EIF2B1: variants seen among roughly 807,000 people sequenced by gnomAD.
The protein encoded by EIF2B1 is translation initiation factor eIF2B subunit alpha.
Under a neutral mutation model 36.8 loss-of-function variants are expected in EIF2B1, and 30 were observed. The ratio of observed to expected loss-of-function variants is 0.81; its 90% CI spans 0.61 to 1.10. The LOEUF is 1.10. Among genes scored for constraint, EIF2B1 ranks in the 50% least tolerant of loss-of-function variants. The pLI is 0.00. For missense variants in EIF2B1, 271 were observed against 374.8 expected (o/e 0.72, Z 2.29); for synonymous variants, 139 against 142.2 (o/e 0.98, Z 0.16).
chr12:123,627,253 C>A, intron 4 of EIF2B1, 97 bp from the exon 5 acceptor site: 1 of 914,194 alleles, frequency 1.1e-6, no homozygotes, highest in South Asian at 1.3e-5. Context: ...CTAAGCATCT[C>A]TGTACACTTT....
At chr12:123,623,847 G>A (rs1417589478) in intron 7 of EIF2B1, among the ~76,000 whole-genome samples, 4 of 152,058 alleles carry the variant, frequency 2.6e-5, no homozygotes, top group Admixed American at 2.6e-4. Context: ...GAGAGAGATT[G>A]TAATAAATTG....
rs1955099217 is a variant in EIF2B1 at position 123,621,606 on chromosome 12, A to C, written c.*150T>G. On this transcript the variant is annotated 3_prime_UTR_variant, in exon 9 of 9. Coordinates refer to ENST00000424014, the MANE Select transcript of EIF2B1 (RefSeq NM_001414.4). ...TAGATGGGACTGAAATGAGTAAGAA[A>C]GGTTCTCCAAGATGTATGATTTTAA... 1 of 937,148 alleles carries C rather than the reference A, an allele frequency of 1.1e-6. No individual in the cohort carries two copies. Among genetic ancestry groups the C allele is most frequent in the African/African-American group, 1.6e-5 (1 of 61,440 alleles). The allele number at this position is 937,148 out of a possible 1,614,324, so 58.1% of individuals were successfully genotyped here. A position where few individuals can be genotyped will look rare whatever the true frequency, so the allele number is the denominator to read the frequency against.
chr12:123,624,514 C>T (rs1053535074), intron 7 of EIF2B1, among the ~76,000 whole-genome samples: 1 of 152,082 alleles, frequency 6.6e-6, no homozygotes, highest in Non-Finnish European at 1.5e-5. Flanking sequence ...CCCACCCTGG[C>T]CTCTCAAATT....
intron 4 of EIF2B1, 27 bp from the exon 5 acceptor site, chr12:123,627,183 G>C (rs773328292): frequency 4.3e-5 from 69 of 1,590,158 alleles, no homozygotes; most frequent in Non-Finnish European, 5.6e-5. Flanking sequence ...CTTTGTCAAA[G>C]GGGCAGGCTC....
intron 8 of EIF2B1, 111 bp downstream of exon 8, chr12:123,622,525 G>A (rs936853135): frequency 1.4e-6 from 2 of 1,432,234 alleles, no homozygotes; most frequent in African/African-American, 2.8e-5. Context: ...TCCAAGTGTT[G>A]GGGAAAGTAG....
chr12:123,626,161 C>A, intron 6 of EIF2B1: 2 of 468,414 alleles, frequency 4.3e-6, no homozygotes, highest in Non-Finnish European at 7.8e-6. Context: ...CAAACAAAAA[C>A]AACAACAACA....
intron 4 of EIF2B1, among the ~76,000 whole-genome samples, chr12:123,629,532 G>A (rs982231328): frequency 4.6e-5 from 7 of 152,148 alleles, no homozygotes; most frequent in African/African-American, 1.7e-4. Flanking sequence ...GGTGGCTCAC[G>A]CCTGTAATCC....
rs749768878 is a variant in EIF2B1 at position 123,633,586 on chromosome 12, G to C, written c.-29C>G. 1.9e-6 allele frequency: 3 copies of C among 1,607,140 alleles called. No individual in the cohort carries two copies. Among genetic ancestry groups the C allele is most frequent in the Non-Finnish European group, 2.5e-6 (3 of 1,179,956 alleles). On this transcript the variant is annotated 5_prime_UTR_variant, in exon 1 of 9. Transcript: ENST00000424014. ...GTCCTCCTGCTGCGGAGCCCCAGGGGACCCGAGCCGCCCGCGCTGTCTCGA... is the reference window on the plus strand; with the variant it reads ...GTCCTCCTGCTGCGGAGCCCCAGGGCACCCGAGCCGCCCGCGCTGTCTCGA...
In EIF2B1 at chr12:123,621,344, CTGACCAGCTGTTGGTCATT is replaced by C; in HGVS notation, c.*393_*411del. 1 of 325,052 alleles carries C rather than the reference CTGACCAGCTGTTGGTCATT, an allele frequency of 3.1e-6. No homozygotes were observed. The highest frequency in any genetic ancestry group is 2.6e-5 in the South Asian group (1 of 38,496). 20.1% of individuals were successfully genotyped at this position (325,052 alleles called of 1,614,324 possible). A position where few individuals can be genotyped will look rare whatever the true frequency, so the allele number is the denominator to read the frequency against. On this transcript the variant is annotated 3_prime_UTR_variant, in exon 9 of 9. Coordinates refer to ENST00000424014, the MANE Select transcript of EIF2B1 (RefSeq NM_001414.4). ...CTTACAAGGCACCGCGTGTAACGTC[CTGACCAGCTGTTGGTCATT>C]TGTGGCAGAGGGGTGTGGCTGCTTT...
rs1233316346 is a variant in EIF2B1 at position 123,632,415 on chromosome 12, T to C, written c.45A>G (p.Lys15=). 1.2e-6 allele frequency: 2 copies of C among 1,613,876 alleles called. No homozygotes were observed. Among genetic ancestry groups the C allele is most frequent in the South Asian group, 1.1e-5 (1 of 91,084 alleles). ...CTGCTGAGGCCATGTCAGGATCTTC[T>C]TTCATCTGAGACTTAAAGTATTCAA... ...ELIEYFKSQM[K]EDPDMASAVA... The change falls in exon 2 of 9, where the codon AAA becomes AAG. Residue 15 remains lysine (K), a synonymous_variant. Transcript: ENST00000424014.
chr12:123,627,910 C>G (rs1210182220), intron 4 of EIF2B1, among the ~76,000 whole-genome samples: 1 of 152,160 alleles, frequency 6.6e-6, no homozygotes, highest in Non-Finnish European at 1.5e-5. Context: ...CGTCATGTGG[C>G]CCCAAGATTG....
At chr12:123,627,584 C>T (rs1352254688) in intron 4 of EIF2B1, among the ~76,000 whole-genome samples, 3 of 152,232 alleles carry the variant, frequency 2.0e-5, no homozygotes, top group Admixed American at 2.0e-4. Flanking sequence ...TGGTGGCTCA[C>T]GCCTGTAATC....
rs747091668 is a variant in EIF2B1, at chr12:123,621,741, G to C, written c.*15C>G. On this transcript the variant is annotated 3_prime_UTR_variant, in exon 9 of 9. Coordinates refer to ENST00000424014, the MANE Select transcript of EIF2B1 (RefSeq NM_001414.4). ...AACTACGTAAGCTGCACCTTGGCAG[G>C]AAAGGGCTCACAGGTTACAGATAGA... 2.5e-6 allele frequency: 4 copies of C among 1,613,054 alleles called. No individual in the cohort carries two copies. Among genetic ancestry groups the C allele is most frequent in the Non-Finnish European group, 3.4e-6 (4 of 1,180,026 alleles).
Position 123,630,056 on chromosome 12 carries a change from A to T in EIF2B1, c.369+113T>A. 1 of 880,890 alleles carries T rather than the reference A, an allele frequency of 1.1e-6. No individual in the cohort carries two copies. The highest frequency in any genetic ancestry group is 1.9e-6 in the Non-Finnish European group (1 of 522,120). The allele number at this position is 880,890 out of a possible 1,614,324, so 54.6% of individuals were successfully genotyped here. ...ATGAGAAAGCTGCACAGACAGGTTA[A>T]GTTACTTGTTCAAGTCTCCACAGCA... On this transcript the variant is annotated intron_variant, in intron 4 of 8. Transcript: ENST00000424014. This position sits in a 1 kb window ranked among gnomAD's most constrained non-coding sequence, Gnocchi z 4.6.
Position 123,633,615 on chromosome 12 carries a change from G to A in EIF2B1, c.-58C>T. 2 of 1,599,796 alleles carry A rather than the reference G, an allele frequency of 1.3e-6. No individual in the cohort carries two copies. The highest frequency in any genetic ancestry group is 8.5e-7 in the Non-Finnish European group (1 of 1,178,704). ...CGAGCCGCCCGCGCTGTCTCGAACG[G>A]GTCCGCCGGCCGCGCCGCCTGCGAG... On this transcript the variant is annotated 5_prime_UTR_variant, in exon 1 of 9. Coordinates refer to ENST00000424014, the MANE Select transcript of EIF2B1 (RefSeq NM_001414.4).
rs1955058227 is a variant in EIF2B1, at chr12:123,620,583, TATATATATATA to T, written c.*1162_*1172del. Reference sequence around the variant, plus strand: ...CACATATAGACATATGTACATATTATATATATATATATATATATATATATATATATATATAT... The same window carrying T: ...CACATATAGACATATGTACATATTATTATATATATATATATATATATATAT... On this transcript the variant is annotated 3_prime_UTR_variant, in exon 9 of 9. Coordinates refer to ENST00000424014, the MANE Select transcript of EIF2B1 (RefSeq NM_001414.4). The T allele has an allele frequency of 8.3e-4, 21 of 25,444 alleles. No homozygotes were observed. Among genetic ancestry groups the T allele is most frequent in the African/African-American group, 2.6e-3 (20 of 7,562 alleles). The allele number at this position is 25,444 out of a possible 1,614,324, so 1.6% of individuals were successfully genotyped here.
At position 123,630,254 on chromosome 12, in the gene EIF2B1, T is replaced by C; in HGVS notation, c.284A>G (p.Glu95Gly). The C allele has an allele frequency of 6.2e-7, 1 of 1,614,180 alleles. No individual in the cohort carries two copies. Among genetic ancestry groups the C allele is most frequent in the Non-Finnish European group, 8.5e-7 (1 of 1,180,048 alleles). Residue 95 changes from glutamate (E) to glycine (G), a missense_variant, in exon 4 of 9, where the codon GAG (glutamate) becomes GGG (glycine). Glu to Gly is a moderately conservative substitution (Grantham distance 98). Coordinates refer to ENST00000424014, the MANE Select transcript of EIF2B1 (RefSeq NM_001414.4). The surrounding 1 kb of genome is among the most constrained non-coding windows in gnomAD (Gnocchi z 4.6). ...DYSKCKKIMI[E>G]RGELFLRRIS... ...TCTCCTGAGAAAAAGTTCTCCCCGC[T>C]CAATCATGATCTTTTTACATTTGGA...
In EIF2B1 at chr12:123,633,673, C is replaced by G; in HGVS notation, c.-116G>C. The stretch of plus-strand genomic sequence containing the variant: ...GACAGCGCGCTGCACACCTCCGCAC[C>G]CCACTTCCGGCGCACTTCCGTACCC... On this transcript the variant is annotated 5_prime_UTR_variant, in exon 1 of 9. Coordinates refer to ENST00000424014, the MANE Select transcript of EIF2B1 (RefSeq NM_001414.4). The G allele has an allele frequency of 6.6e-6, 10 of 1,526,264 alleles. No individual in the cohort carries two copies. Among genetic ancestry groups the G allele is most frequent in the Non-Finnish European group, 9.0e-6 (10 of 1,114,806 alleles). The allele number at this position is 1,526,264 out of a possible 1,614,324, so 94.5% of individuals were successfully genotyped here.
chr12:123,627,885 C>T (rs1458637316), intron 4 of EIF2B1, among the ~76,000 whole-genome samples: 1 of 152,184 alleles, frequency 6.6e-6, no homozygotes, highest in Non-Finnish European at 1.5e-5. Flanking sequence ...GCCAGGACTC[C>T]TCAGCCCCAG....
Sources: gnomAD v4.1 joint callset for allele counts (sites outside exome capture counted in the v4.1 genomes callset) on GRCh38, gnomAD v4.1.1 for gene constraint, Gnocchi (gnomAD v3.1) non-coding constraint, MANE v1.5 for transcripts, NCBI Gene and HGNC (gene_info 2026-07-23, HGNC 2026-07-21) for gene names.